The following SBF2 variants were observed in gnomAD, a reference collection of about 807,000 sequenced individuals.
SBF2 encodes the protein myotubularin-related protein 13.
In SBF2, 112 loss-of-function variants were observed where a neutral mutation model predicts 225.2. That is an observed-to-expected ratio of 0.50 (90% CI 0.43 to 0.58). The LOEUF is 0.58. Ranked by LOEUF, SBF2 falls within the 20% of genes least tolerant of loss-of-function variation. The pLI is 0.00. For missense variants in SBF2, 1,996 were observed against 2,206.2 expected (o/e 0.90, Z 1.91); for synonymous variants, 763 against 773.3 (o/e 0.99, Z 0.22).
intron 16 of SBF2, among the ~76,000 whole-genome samples, chr11:9,949,059 G>A (rs1435478401): frequency 6.6e-6 from 1 of 151,882 alleles, no homozygotes; most frequent in African/African-American, 2.4e-5. Flanking sequence ...AGGAAAGAAA[G>A]AAGGAAAGAA....
intron 2 of SBF2, among the ~76,000 whole-genome samples, chr11:10,092,991 T>G (rs1034714211): frequency 2.0e-5 from 3 of 151,426 alleles, no homozygotes; most frequent in African/African-American, 7.3e-5. Flanking sequence ...AGTATTGAAG[T>G]CACAATTCCT....
At chr11:9,859,803 G>A (rs1189953615) in intron 17 of SBF2, among the ~76,000 whole-genome samples, 1 of 152,206 alleles carries the variant, frequency 6.6e-6, no homozygotes, top group African/African-American at 2.4e-5. Flanking sequence ...TGTAGTACCT[G>A]TGTAGTTAGA....
At position 9,913,040 on chromosome 11, in the gene SBF2, T is replaced by C. The variant is rs369076012; in HGVS notation, c.1861-17029A>G. Among the ~76,000 whole-genome samples the C allele has an allele frequency of 1.1e-4, 16 of 152,218 alleles. No homozygotes were observed. The East Asian group carries it at 2.5e-3, about 24-fold the overall frequency. The stretch of plus-strand genomic sequence containing the variant: ...GGTGGTTCACACCCGTAACCCCATT[T>C]TGGGAGGCTGACAGGGGTTGATGGC... On this transcript the variant is annotated intron_variant, in intron 16 of 39. Coordinates refer to ENST00000256190, the MANE Select transcript of SBF2 (RefSeq NM_030962.4).
chr11:10,122,255 T>C (rs950334803), intron 2 of SBF2, among the ~76,000 whole-genome samples: 1 of 152,154 alleles, frequency 6.6e-6, no homozygotes, highest in Non-Finnish European at 1.5e-5. Flanking sequence ...ACAGTGTATA[T>C]AGTAAGTGTT....
chr11:10,196,726 A>G (rs1167292074), intron 1 of SBF2, among the ~76,000 whole-genome samples: 2 of 151,456 alleles, frequency 1.3e-5, no homozygotes, highest in African/African-American at 4.8e-5. Flanking sequence ...AAGTGCAGAA[A>G]GGATTTTAAA....
chr11:9,960,096 G>T (rs1866465681), intron 16 of SBF2: 1 of 182,552 alleles, frequency 5.5e-6, no homozygotes, highest in South Asian at 1.3e-4. Flanking sequence ...CTGGGCTCAT[G>T]TGATTCTCCT....
intron 2 of SBF2, among the ~76,000 whole-genome samples, chr11:10,065,776 C>A (rs545331161): frequency 1.3e-5 from 2 of 152,006 alleles, no homozygotes; most frequent in Non-Finnish European, 2.9e-5. Flanking sequence ...GGTGAAACCC[C>A]GTCTCTACTA....
At chr11:10,170,305 T>C (rs1956134131) in intron 2 of SBF2, among the ~76,000 whole-genome samples, 1 of 152,176 alleles carries the variant, frequency 6.6e-6, no homozygotes, top group Non-Finnish European at 1.5e-5. Context: ...TGATTTTTTT[T>C]ATGGCGAGAA....
At chr11:9,984,310 GA>G (rs1458720387) in intron 13 of SBF2, among the ~76,000 whole-genome samples, 1 of 152,070 alleles carries the variant, frequency 6.6e-6, no homozygotes, top group African/African-American at 2.4e-5. Context: ...CAATAGAACT[GA>G]ACAAGTAGAA....
chr11:10,131,223 C>A (rs1423629356), intron 2 of SBF2, among the ~76,000 whole-genome samples: 1 of 148,008 alleles, frequency 6.8e-6, no homozygotes, highest in Non-Finnish European at 1.5e-5. Flanking sequence ...AATATTGCCA[C>A]TAATTTTTTT....
intron 1 of SBF2, among the ~76,000 whole-genome samples, chr11:10,217,486 G>C (rs1297352911): frequency 1.3e-5 from 2 of 152,294 alleles, no homozygotes; most frequent in East Asian, 3.9e-4. Context: ...TAGAAAATAA[G>C]TGGCAAATCT....
At chr11:10,022,715 G>A (rs1054823128) in intron 6 of SBF2, among the ~76,000 whole-genome samples, 1 of 151,580 alleles carries the variant, frequency 6.6e-6, no homozygotes, top group African/African-American at 2.4e-5. Context: ...AAGTACATCC[G>A]TAGACACTAT....
intron 36 of SBF2, among the ~76,000 whole-genome samples, chr11:9,785,635 G>A (rs896415548): frequency 1.6e-4 from 25 of 152,154 alleles, no homozygotes; most frequent in African/African-American, 6.0e-4. Context: ...GCCGAGGTGA[G>A]TGGATCACTT....
At chr11:9,836,168 C>T (rs1419015067) in intron 26 of SBF2, among the ~76,000 whole-genome samples, 2 of 152,074 alleles carry the variant, frequency 1.3e-5, no homozygotes, top group Non-Finnish European at 2.9e-5. Flanking sequence ...TTTTTCCTAT[C>T]CCAAGAAATC....
chr11:10,280,267 G>A (rs551038813), intron 1 of SBF2, among the ~76,000 whole-genome samples: 10 of 152,218 alleles, frequency 6.6e-5, no homozygotes, highest in Non-Finnish European at 1.5e-4. Flanking sequence ...TCTTTAGAAG[G>A]GATGACTAAG....
chr11:9,870,736 G>T (rs1474490007), intron 17 of SBF2, among the ~76,000 whole-genome samples: 1 of 152,166 alleles, frequency 6.6e-6, no homozygotes, highest in East Asian at 1.9e-4. Flanking sequence ...AGCACTTTGG[G>T]AGGCTGAGGT....
intron 2 of SBF2, among the ~76,000 whole-genome samples, chr11:10,069,942 G>C (rs1353010324): frequency 6.6e-6 from 1 of 152,158 alleles, no homozygotes; most frequent in Non-Finnish European, 1.5e-5. Flanking sequence ...GTGTCTGTTG[G>C]CTGCATAAAT....
intron 6 of SBF2, among the ~76,000 whole-genome samples, chr11:10,012,133 T>C (rs1590752200): frequency 6.6e-6 from 1 of 152,328 alleles, no homozygotes; most frequent in Middle Eastern, 3.4e-3. Context: ...TAAGCTCAGC[T>C]AGTGAATTTT....
chr11:10,191,982 T>C (rs1157796404), intron 2 of SBF2, among the ~76,000 whole-genome samples: 3 of 152,196 alleles, frequency 2.0e-5, no homozygotes, highest in African/African-American at 7.2e-5. Flanking sequence ...TCACTGCTCA[T>C]ACTGTTAAAT....
Sources: allele counts gnomAD v4.1 joint callset (sites outside exome capture counted in the v4.1 genomes callset), GRCh38; gene constraint gnomAD v4.1.1; transcripts MANE v1.5; gene names NCBI Gene and HGNC (gene_info 2026-07-23, HGNC 2026-07-21).